VWC2: variants seen among roughly 807,000 people sequenced by gnomAD.
VWC2 encodes the protein brorin.
Under a neutral mutation model 29.8 loss-of-function variants are expected in VWC2, and 14 were observed. That is an observed-to-expected ratio of 0.47 (90% confidence interval 0.31 to 0.74). The LOEUF is 0.74. Ranked by LOEUF, VWC2 falls within the 30% of genes least tolerant of loss-of-function variation. VWC2 has a pLI of 0.05. For synonymous variants in VWC2, 213 were observed against 199.0 expected (o/e 1.07, Z -0.59); for missense variants, 457 against 459.8 (o/e 0.99, Z 0.05).
At chr7:49,882,494 C>T (rs1791711070) in intron 3 of VWC2, among the ~76,000 whole-genome samples, 1 of 151,756 alleles carries the variant, frequency 6.6e-6, no homozygotes. Flanking sequence ...GAGACTGAGA[C>T]AGATAAGGAG....
intron 2 of VWC2, among the ~76,000 whole-genome samples, chr7:49,780,728 A>C (rs986619643): frequency 6.6e-6 from 1 of 152,178 alleles, no homozygotes; most frequent in African/African-American, 2.4e-5. Context: ...AATTATTAAT[A>C]AGTGAAGCTT....
intron 2 of VWC2, among the ~76,000 whole-genome samples, chr7:49,789,262 TGTGTGAGCGGGTGTGTGTGAGAGTGTGA>T (rs1179997384): frequency 2.8e-5 from 4 of 144,308 alleles, no homozygotes; most frequent in Non-Finnish European, 6.0e-5. Context: ...GGAGTGGGTG[TGTGTGAGCGGGTGTGTGTGAGAGTGTGA>T]GTGTGAGCGG....
chr7:49,787,490 T>G (rs1344979195), intron 2 of VWC2, among the ~76,000 whole-genome samples: 1 of 152,216 alleles, frequency 6.6e-6, no homozygotes, highest in African/African-American at 2.4e-5. Context: ...GGTGACACTG[T>G]GGCATTGTTG....
intron 3 of VWC2, among the ~76,000 whole-genome samples, chr7:49,883,108 A>G (rs1353803916): frequency 1.3e-5 from 2 of 152,082 alleles, no homozygotes; most frequent in Non-Finnish European, 2.9e-5. Context: ...AGATTTCCCA[A>G]AAGAAACAAC....
At chr7:49,805,699 A>T (rs1313092489) in intron 3 of VWC2, among the ~76,000 whole-genome samples, 2 of 152,244 alleles carry the variant, frequency 1.3e-5, no homozygotes, top group Non-Finnish European at 2.9e-5. Context: ...CTTGTAAAAA[A>T]ATTATATGTT....
intron 2 of VWC2, among the ~76,000 whole-genome samples, chr7:49,786,078 C>T (rs1231793254): frequency 1.3e-5 from 2 of 152,218 alleles, no homozygotes; most frequent in Admixed American, 6.5e-5. Context: ...AGAATGATCA[C>T]ATCACTCAGG....
Position 49,919,496 on chromosome 7 carries a change from A to G in VWC2, c.*7311A>G, listed in dbSNP as rs1793906997. ...ATTGTATGTTCCAATGACATAAAAA[A>G]CTAAGTGCCTGCTTGGGCTAGTTAT... On this transcript the variant is annotated 3_prime_UTR_variant, in exon 4 of 4. Transcript: ENST00000340652. The G allele has an allele frequency of 2.6e-5, 4 of 152,298 alleles. No individual in the cohort carries two copies. Among genetic ancestry groups the G allele is most frequent in the Admixed American group, 2.6e-4 (4 of 15,300 alleles). The allele number at this position is 152,298 out of a possible 1,614,324, so 9.4% of individuals were successfully genotyped here.
At chr7:49,894,291 G>A (rs1443309370) in intron 3 of VWC2, among the ~76,000 whole-genome samples, 1 of 152,136 alleles carries the variant, frequency 6.6e-6, no homozygotes, top group Non-Finnish European at 1.5e-5. Context: ...TGAATAGCTG[G>A]GATTATAGAT....
At chr7:49,841,994 G>A (rs564153105) in intron 3 of VWC2, among the ~76,000 whole-genome samples, 13 of 152,176 alleles carry the variant, frequency 8.5e-5, no homozygotes, top group African/African-American at 3.1e-4. Context: ...AGCCTCCTGA[G>A]TAGCTGGGAT....
intron 3 of VWC2, among the ~76,000 whole-genome samples, chr7:49,883,244 G>C (rs891914910): frequency 1.3e-5 from 2 of 152,102 alleles, no homozygotes; most frequent in Non-Finnish European, 2.9e-5. Context: ...ACCCAGGGAG[G>C]CGTCTTTCCA....
chr7:49,813,702 A>T (rs1789065650), intron 3 of VWC2, among the ~76,000 whole-genome samples: 1 of 152,224 alleles, frequency 6.6e-6, no homozygotes, highest in African/African-American at 2.4e-5. Flanking sequence ...GTGCAATAAT[A>T]CTTTAAAATT....
intron 3 of VWC2, among the ~76,000 whole-genome samples, chr7:49,874,550 G>C (rs199713365): frequency 6.4e-5 from 2 of 31,424 alleles, no homozygotes; most frequent in Admixed American, 6.0e-4. Flanking sequence ...GACTATATAT[G>C]TGTGTGTGTG....
At chr7:49,816,018 T>C (rs1345984889) in intron 3 of VWC2, among the ~76,000 whole-genome samples, 2 of 151,960 alleles carry the variant, frequency 1.3e-5, no homozygotes, top group African/African-American at 2.4e-5. Flanking sequence ...GAGTGGGTCA[T>C]GGAATGGGAG....
intron 3 of VWC2, among the ~76,000 whole-genome samples, chr7:49,828,165 T>G (rs922456461): frequency 3.3e-5 from 5 of 152,234 alleles, no homozygotes; most frequent in Non-Finnish European, 7.3e-5. Flanking sequence ...CATAATATTT[T>G]TGAGTTTCAT....
chr7:49,874,259 A>G (rs1237248513), intron 3 of VWC2, among the ~76,000 whole-genome samples: 2 of 152,212 alleles, frequency 1.3e-5, no homozygotes, highest in Admixed American at 6.5e-5. Flanking sequence ...TGGTGGTCCC[A>G]TAGAATTACA....
intron 3 of VWC2, among the ~76,000 whole-genome samples, chr7:49,852,257 T>C (rs1790209622): frequency 6.6e-6 from 1 of 152,200 alleles, no homozygotes; most frequent in African/African-American, 2.4e-5. Context: ...TGAGTGACCC[T>C]GGAGCATCAG....
intron 2 of VWC2, among the ~76,000 whole-genome samples, chr7:49,801,724 A>G (rs962620805): frequency 6.6e-6 from 1 of 152,278 alleles, no homozygotes; most frequent in African/African-American, 2.4e-5. Flanking sequence ...AGGAGCCCTC[A>G]GTGGAAGAGG....
intron 3 of VWC2, among the ~76,000 whole-genome samples, chr7:49,881,000 A>G (rs1012785079): frequency 5.2e-4 from 79 of 152,132 alleles, no homozygotes; most frequent in Admixed American, 1.4e-3. Context: ...CCTTTGTACA[A>G]TAAGTGATTT....
chr7:49,846,258 G>A lies in VWC2; in HGVS notation c.826+43418G>A, dbSNP rs487993. Among the ~76,000 whole-genome samples the A allele has an allele frequency of 4.8e-3, 724 of 152,036 alleles. 4 individuals are homozygous for A. The highest frequency in any genetic ancestry group is 0.017 in the African/African-American group (684 of 41,430). ...AGACTGTTGCTCCAACCTGCATGTC[G>A]CCACTTCCTCTGTGGTAAATATGGA... is the stretch of plus-strand genomic sequence containing the variant. On this transcript the variant is annotated intron_variant, in intron 3 of 3. Coordinates refer to ENST00000340652, the MANE Select transcript of VWC2 (RefSeq NM_198570.5).
Sources: gnomAD v4.1 joint callset for allele counts (sites outside exome capture counted in the v4.1 genomes callset) on GRCh38, gnomAD v4.1.1 for gene constraint, MANE v1.5 for transcripts, NCBI Gene and HGNC (gene_info 2026-07-23, HGNC 2026-07-21) for gene names.